H3-7: variants seen among roughly 807,000 people sequenced by gnomAD.
H3-7 encodes the protein histone H3-7.
At chr1:143,904,624 C>A in the H3-7 span, 229 of 1,580,936 alleles carry the variant, frequency 1.4e-4, 9 homozygotes, top group East Asian at 4.6e-4. Flanking sequence ...AAAAAGAGAA[C>A]AGAGACTTAA....
chr1:143,905,916 C>T, the H3-7 span: 4 of 1,580,092 alleles, frequency 2.5e-6, no homozygotes, highest in Non-Finnish European at 3.5e-6. Flanking sequence ...GCTGCTTCCT[C>T]GGGGCCTTGC....
At chr1:143,902,518 A>T in the H3-7 span, among the ~76,000 whole-genome samples, 1 of 139,938 alleles carries the variant, frequency 7.1e-6, no homozygotes, top group Non-Finnish European at 1.6e-5. Flanking sequence ...AAAGGCTGTC[A>T]AGTTAATTAT....
the H3-7 span, among the ~76,000 whole-genome samples, chr1:143,904,891 G>A: frequency 1.4e-5 from 2 of 142,530 alleles, no homozygotes; most frequent in East Asian, 2.1e-4. Context: ...TAGTTTCAAC[G>A]GCTTGAGGTT....
chr1:143,904,265 G>A, the H3-7 span: 109 of 1,585,770 alleles, frequency 6.9e-5, 2 homozygotes, highest in Non-Finnish European at 4.1e-5. Context: ...TGGTGCCCTC[G>A]GACACGGCGT....
the H3-7 span, among the ~76,000 whole-genome samples, chr1:143,903,172 A>T: frequency 7.1e-6 from 1 of 140,070 alleles, no homozygotes. Context: ...GGCCTGGGCG[A>T]CAGAGCGAGA....
the H3-7 span, chr1:143,905,367 C>G: frequency 2.5e-5 from 14 of 563,348 alleles, 3 homozygotes; most frequent in Admixed American, 3.2e-5. Flanking sequence ...GCCTCTGCGG[C>G]TTTCTCTACT....
At chr1:143,905,766 G>T in the H3-7 span, 1 of 1,582,148 alleles carries the variant, frequency 6.3e-7, no homozygotes, top group Non-Finnish European at 8.7e-7. Context: ...GCCGCTGGAA[G>T]GGCAGCTTGC....
the H3-7 span, among the ~76,000 whole-genome samples, chr1:143,903,240 A>G: frequency 8.1e-6 from 1 of 123,682 alleles, no homozygotes; most frequent in East Asian, 2.4e-4. Context: ...TAATTGGGAA[A>G]GTTTGGAACC....
the H3-7 span, among the ~76,000 whole-genome samples, chr1:143,903,149 G>A: frequency 2.8e-5 from 4 of 140,442 alleles, no homozygotes; most frequent in Non-Finnish European, 1.6e-5. Flanking sequence ...CCGAGATCCC[G>A]CCAGTGCACT....
chr1:143,905,941 C>A, the H3-7 span: 11 of 1,580,058 alleles, frequency 7.0e-6, 1 homozygote, highest in South Asian at 1.1e-5. Flanking sequence ...GGTCGACTTG[C>A]GGGCAGTCTG....
chr1:143,905,383 C>T, the H3-7 span: 3 of 580,774 alleles, frequency 5.2e-6, 1 homozygote, highest in East Asian at 8.9e-5. Flanking sequence ...CTACTGCCGG[C>T]CAACTCACGG....
At chr1:143,902,388 A>G in the H3-7 span, among the ~76,000 whole-genome samples, 1 of 147,308 alleles carries the variant, frequency 6.8e-6, no homozygotes, top group Admixed American at 6.9e-5. Flanking sequence ...CACGTATACC[A>G]CATTTTATAT....
At chr1:143,904,273 C>A in the H3-7 span, 1 of 1,586,172 alleles carries the variant, frequency 6.3e-7, no homozygotes, top group South Asian at 1.1e-5. Flanking sequence ...TCGGACACGG[C>A]GTGCTTGGCC....
the H3-7 span, chr1:143,904,683 A>T: frequency 3.3e-5 from 48 of 1,460,228 alleles, 4 homozygotes; most frequent in Admixed American, 1.1e-4. Context: ...CGCTACTTAT[A>T]GAGCCTGTAT....
chr1:143,905,344 C>A, the H3-7 span: 5 of 534,820 alleles, frequency 9.3e-6, no homozygotes, highest in African/African-American at 2.0e-5. Flanking sequence ...TCGGCCGGAA[C>A]CACAAGGACC....
chr1:143,904,395 A>T, the H3-7 span: 9 of 1,582,864 alleles, frequency 5.7e-6, 1 homozygote, highest in Non-Finnish European at 7.8e-6. Context: ...GCGCTCGAAG[A>T]TGTCGTTGAC....
chr1:143,905,869 G>A, the H3-7 span: 43 of 1,580,532 alleles, frequency 2.7e-5, 2 homozygotes, highest in South Asian at 3.4e-4. Flanking sequence ...CACCCCGCCC[G>A]TGGCCGGCGC....
At chr1:143,903,898 G>A in the H3-7 span, among the ~76,000 whole-genome samples, 1 of 144,320 alleles carries the variant, frequency 6.9e-6, no homozygotes, top group Non-Finnish European at 1.5e-5. Flanking sequence ...AAGGCTGAAG[G>A]GGTGTAGAAC....
chr1:143,905,967 G>A, the H3-7 span: 4 of 1,579,080 alleles, frequency 2.5e-6, 1 homozygote, highest in Admixed American at 1.7e-5. Flanking sequence ...TACGGGCCAT[G>A]CTGTCTCATT....
Sources: gnomAD v4.1 joint callset for allele counts (sites outside exome capture counted in the v4.1 genomes callset) on GRCh38, gnomAD v4.1.1 for gene constraint, MANE v1.5 for transcripts, NCBI Gene and HGNC (gene_info 2026-07-23, HGNC 2026-07-21) for gene names.